Variants in UBTD2 observed in about 807,000 individuals in gnomAD.
UBTD2 encodes the protein ubiquitin domain-containing protein 2.
Under a neutral mutation model 19.8 loss-of-function variants are expected in UBTD2, and 9 were observed. That is an observed-to-expected ratio of 0.46 (90% CI 0.27 to 0.79). UBTD2 has a LOEUF of 0.79. UBTD2 is among the 30% of genes least tolerant of loss of function. The pLI is 0.14. For synonymous variants in UBTD2, 98 were observed against 103.9 expected (o/e 0.94, Z 0.35); for missense variants, 250 against 300.4 (o/e 0.83, Z 1.24).
chr5:172,252,007 TAGAAC>T (rs1168626531), intron 1 of UBTD2, among the ~76,000 whole-genome samples: 3 of 152,166 alleles, frequency 2.0e-5, no homozygotes, highest in African/African-American at 7.2e-5. Flanking sequence ...CTCAAACAAT[TAGAAC>T]AGTACCTGTC....
At chr5:172,277,114 A>C (rs1385301948) in intron 1 of UBTD2, among the ~76,000 whole-genome samples, 4 of 151,436 alleles carry the variant, frequency 2.6e-5, no homozygotes, top group East Asian at 1.9e-4. Flanking sequence ...AACAAAAAGA[A>C]GACGAAGTAC....
intron 2 of UBTD2, among the ~76,000 whole-genome samples, chr5:172,231,820 A>G (rs1283252951): frequency 2.0e-5 from 3 of 152,226 alleles, no homozygotes; most frequent in Non-Finnish European, 4.4e-5. Flanking sequence ...CTGTAAAGGA[A>G]GACTCCTTCC....
At chr5:172,235,599 C>G (rs984854363) in intron 1 of UBTD2, among the ~76,000 whole-genome samples, 13 of 152,250 alleles carry the variant, frequency 8.5e-5, no homozygotes, top group African/African-American at 2.9e-4. Flanking sequence ...AAGAAGAAAA[C>G]AGAGGGCAAG....
intron 1 of UBTD2, among the ~76,000 whole-genome samples, chr5:172,247,239 A>G (rs1043804525): frequency 2.6e-5 from 4 of 152,158 alleles, no homozygotes; most frequent in African/African-American, 9.7e-5. Flanking sequence ...AGTAGACTTC[A>G]GAACCTAGGA....
chr5:172,246,474 T>TCACTCCGTCG (rs1423463733), intron 1 of UBTD2, among the ~76,000 whole-genome samples: 6 of 137,734 alleles, frequency 4.4e-5, no homozygotes, highest in Admixed American at 3.9e-4. Flanking sequence ...GAGATGGAGT[T>TCACTCCGTCG]CACTCCGTCG....
chr5:172,236,928 T>A, intron 1 of UBTD2, among the ~76,000 whole-genome samples: 1 of 152,148 alleles, frequency 6.6e-6, no homozygotes, highest in East Asian at 1.9e-4. Flanking sequence ...GGGTACAAAG[T>A]ACCTTGGAAA....
Position 172,283,593 on chromosome 5 carries a change from T to G in UBTD2, c.70+3A>C. 2.3e-6 allele frequency: 3 copies of G among 1,305,316 alleles called. No homozygotes were observed. The highest frequency in any genetic ancestry group is 2.9e-6 in the Non-Finnish European group (3 of 1,017,986). 80.9% of individuals were successfully genotyped at this position (1,305,316 alleles called of 1,614,324 possible). ...CCGAGGCTGCCCCCTGGCGCTCACC[T>G]ACCTCCGGTGCCCTCCGAGTTCTCG... On this transcript the variant is annotated splice_donor_region_variant and intron_variant, in intron 1 of 2. Coordinates refer to ENST00000393792, the MANE Select transcript of UBTD2 (RefSeq NM_152277.3). This position sits in a 1 kb window ranked among gnomAD's most constrained non-coding sequence, Gnocchi z 4.3.
intron 1 of UBTD2, among the ~76,000 whole-genome samples, chr5:172,264,321 CG>C (rs1314018936): frequency 6.6e-6 from 1 of 151,592 alleles, no homozygotes; most frequent in Non-Finnish European, 1.5e-5. Context: ...CTGAGGCGGG[CG>C]GATCACTTGA....
intron 1 of UBTD2, among the ~76,000 whole-genome samples, chr5:172,251,901 T>C (rs17074573): frequency 0.058 from 8,858 of 152,228 alleles, 827 homozygotes; most frequent in African/African-American, 0.2. Flanking sequence ...CAAATAAAGA[T>C]GTCGATTACC....
chr5:172,252,689 G>T (rs904594400), intron 1 of UBTD2, among the ~76,000 whole-genome samples: 1 of 152,054 alleles, frequency 6.6e-6, no homozygotes, highest in African/African-American at 2.4e-5. Flanking sequence ...CTAATGTTAA[G>T]AGCCTGGCAA....
chr5:172,283,308 G>A lies in UBTD2; in HGVS notation c.70+288C>T, dbSNP rs1180424599. Among the ~76,000 whole-genome samples the A allele has an allele frequency of 6.6e-6, 1 of 152,126 alleles. No homozygotes were observed. The highest frequency in any genetic ancestry group is 2.4e-5 in the African/African-American group (1 of 41,430). On this transcript the variant is annotated intron_variant, in intron 1 of 2. Transcript: ENST00000393792. The surrounding 1 kb of genome is among the most constrained non-coding windows in gnomAD (Gnocchi z 4.3). The stretch of plus-strand genomic sequence containing the variant: ...TTAAACGGCCTGGAGAGGGAGTGAG[G>A]TGGCCAGAAGGGCAGCTTCGGGTCC...
rs1263646917 is a variant in UBTD2, at chr5:172,260,400, C to CA, written c.70+23195_70+23196insT. On this transcript the variant is annotated intron_variant, in intron 1 of 2. Transcript: ENST00000393792. The stretch of plus-strand genomic sequence containing the variant: ...TCCCCAGCTGAAAAACCTATCTTTA[C>CA]CACTGAAGTATAAGTTCTGTTCCTA... Among the ~76,000 whole-genome samples, 5 of 152,246 alleles carry CA rather than the reference C, an allele frequency of 3.3e-5. No individual in the cohort carries two copies. In the East Asian group the frequency reaches 9.7e-4, roughly 29 times the overall value.
At chr5:172,241,588 A>G (rs904106043) in intron 1 of UBTD2, among the ~76,000 whole-genome samples, 4 of 152,142 alleles carry the variant, frequency 2.6e-5, no homozygotes, top group African/African-American at 4.8e-5. Flanking sequence ...ATTAGATTAT[A>G]TATATAATTG....
At chr5:172,227,872 G>T (rs1771803066) in intron 2 of UBTD2, among the ~76,000 whole-genome samples, 1 of 151,594 alleles carries the variant, frequency 6.6e-6, no homozygotes, top group Admixed American at 6.6e-5. Flanking sequence ...GTAGAGACGG[G>T]GTTTCGCCAT....
chr5:172,277,578 C>T (rs1416762477), intron 1 of UBTD2, among the ~76,000 whole-genome samples: 6 of 151,812 alleles, frequency 4.0e-5, no homozygotes, highest in African/African-American at 1.5e-4. Context: ...TGGTGGTGCA[C>T]ACCTGTGGTC....
At chr5:172,215,875 A>C (rs1771531329) in intron 2 of UBTD2, among the ~76,000 whole-genome samples, 1 of 152,192 alleles carries the variant, frequency 6.6e-6, no homozygotes. Flanking sequence ...ATCTCAGTAA[A>C]AATCTCTAAA....
Position 172,248,774 on chromosome 5 carries a change from AAATT to A in UBTD2, c.71-14420_71-14417del, listed in dbSNP as rs1754932702. Among the ~76,000 whole-genome samples, 3 of 151,754 alleles carry A rather than the reference AAATT, an allele frequency of 2.0e-5. 1 individual carries two copies. Among genetic ancestry groups the A allele is most frequent in the Admixed American group, 1.3e-4 (2 of 15,202 alleles). ...AAGATCCTGTCTCAAAAAAAAAAAA[AAATT>A]AATTAAAAAGATTAGTTGGGTGTGG... On this transcript the variant is annotated intron_variant, in intron 1 of 2. Transcript: ENST00000393792.
At position 172,283,100 on chromosome 5, in the gene UBTD2, T is replaced by C. The variant is rs985467795; in HGVS notation, c.70+496A>G. On this transcript the variant is annotated intron_variant, in intron 1 of 2. Coordinates refer to ENST00000393792, the MANE Select transcript of UBTD2 (RefSeq NM_152277.3). This position sits in a 1 kb window ranked among gnomAD's most constrained non-coding sequence, Gnocchi z 4.3. ...AACTCGCAGGTTTAAATGGCCAATCTGGAACCAACCGGGGCAGCTGTCATC... is the reference window on the plus strand; with the variant it reads ...AACTCGCAGGTTTAAATGGCCAATCCGGAACCAACCGGGGCAGCTGTCATC... Among the ~76,000 whole-genome samples, 3 of 152,030 alleles carry C rather than the reference T, an allele frequency of 2.0e-5. No homozygotes were observed. Among genetic ancestry groups the C allele is most frequent in the Non-Finnish European group, 4.4e-5 (3 of 68,020 alleles).
At chr5:172,279,199 T>A (rs986742843) in intron 1 of UBTD2, among the ~76,000 whole-genome samples, 8 of 152,230 alleles carry the variant, frequency 5.3e-5, no homozygotes, top group Admixed American at 4.6e-4. Flanking sequence ...AGCAAGTTAT[T>A]AAAGGTTGGT....
Sources: allele counts gnomAD v4.1 joint callset (sites outside exome capture counted in the v4.1 genomes callset), GRCh38; gene constraint gnomAD v4.1.1; non-coding constraint Gnocchi (gnomAD v3.1); transcripts MANE v1.5; gene names NCBI Gene and HGNC (gene_info 2026-07-23, HGNC 2026-07-21).